The following SPTBN1 variants were observed in gnomAD, a reference collection of about 807,000 sequenced individuals.
SPTBN1 encodes the protein spectrin beta chain, non-erythrocytic 1.
A neutral mutation model predicts 266.4 loss-of-function variants in SPTBN1; 32 were observed. That is an observed-to-expected ratio of 0.12 (90% CI 0.09 to 0.16). The LOEUF is 0.16. Ranked by LOEUF, SPTBN1 falls within the 10% of genes least tolerant of loss-of-function variation. SPTBN1 has a pLI of 1.00. For missense variants in SPTBN1, 2,296 were observed against 3,067.1 expected, an observed-to-expected ratio of 0.75 and a Z score of 5.94; for synonymous variants, 1,336 against 1,162.2, an observed-to-expected ratio of 1.15 and a Z score of -3.04.
chr2:54,466,180 A>G (rs1320051327), intron 1 of SPTBN1, among the ~76,000 whole-genome samples: 3 of 152,192 alleles, frequency 2.0e-5, no homozygotes, highest in Non-Finnish European at 4.4e-5. Context: ...GATTTTTAAT[A>G]TACAAATTTG....
chr2:54,510,426 G>A (rs1445322430), intron 1 of SPTBN1, among the ~76,000 whole-genome samples: 1 of 152,088 alleles, frequency 6.6e-6, no homozygotes, highest in Non-Finnish European at 1.5e-5. Context: ...TAACACTCAG[G>A]CACCACTAAA....
rs939271694 is a variant in SPTBN1 at position 54,662,358 on chromosome 2, C to T, written c.6421-2095C>T. 8 of 977,824 alleles carry T rather than the reference C, an allele frequency of 8.2e-6. No homozygotes were observed. In the African/African-American group the frequency reaches 1.4e-4, roughly 17 times the overall value. 60.6% of individuals were successfully genotyped at this position (977,824 alleles called of 1,614,324 possible). A position where few individuals can be genotyped will look rare whatever the true frequency, so the allele number is the denominator to read the frequency against. ...ATTCATTTGCATAAACATTAATGAT[C>T]TCTGCATACTGGTTTGGGGTTTTCT... On this transcript the variant is annotated intron_variant, in intron 32 of 35. Transcript: ENST00000356805.
At position 54,664,390 on chromosome 2, in the gene SPTBN1, G is replaced by A; in HGVS notation, c.6421-63G>A. On this transcript the variant is annotated intron_variant, in intron 32 of 35. Coordinates refer to ENST00000356805, the MANE Select transcript of SPTBN1 (RefSeq NM_003128.3). This position sits in a 1 kb window ranked among gnomAD's most constrained non-coding sequence, Gnocchi z 5.6. ...CACAGCCACATGTGCGAGTCAGGTA[G>A]AGCGTATGTGGTCACCCCCATGGCT... 6.6e-7 allele frequency: 1 copy of A among 1,510,894 alleles called. No homozygotes were observed. The highest frequency in any genetic ancestry group is 9.1e-7 in the Non-Finnish European group (1 of 1,101,424). The allele number at this position is 1,510,894 out of a possible 1,614,324, so 93.6% of individuals were successfully genotyped here.
chr2:54,569,345 C>G (rs1302462251), intron 2 of SPTBN1, among the ~76,000 whole-genome samples: 6 of 152,136 alleles, frequency 3.9e-5, no homozygotes, highest in Non-Finnish European at 7.3e-5. Flanking sequence ...AAATTTCTAG[C>G]TGTTCCTTCC....
At chr2:54,584,828 C>G (rs149023259) in intron 2 of SPTBN1, among the ~76,000 whole-genome samples, 3 of 152,294 alleles carry the variant, frequency 2.0e-5, no homozygotes, top group Non-Finnish European at 4.4e-5. Flanking sequence ...CTTACTGTCT[C>G]CCTCCTTACA....
At chr2:54,602,409 A>G (rs1676557547) in intron 3 of SPTBN1, among the ~76,000 whole-genome samples, 1 of 152,188 alleles carries the variant, frequency 6.6e-6, no homozygotes, top group South Asian at 2.1e-4. Flanking sequence ...ATAGGCCTGC[A>G]CTTCAATGGT....
At chr2:54,625,641 A>G (rs1678272807) in intron 11 of SPTBN1, among the ~76,000 whole-genome samples, 1 of 152,094 alleles carries the variant, frequency 6.6e-6, no homozygotes, top group Non-Finnish European at 1.5e-5. Flanking sequence ...TTCAGGCTGG[A>G]GTGCAGTGGC....
At chr2:54,561,961 C>T (rs1673339104) in intron 2 of SPTBN1, among the ~76,000 whole-genome samples, 1 of 151,688 alleles carries the variant, frequency 6.6e-6, no homozygotes, top group African/African-American at 2.4e-5. Context: ...GCCCTTCAAC[C>T]TCTGATGGCT....
At chr2:54,483,192 C>T (rs544531346) in intron 1 of SPTBN1, among the ~76,000 whole-genome samples, 12 of 152,318 alleles carry the variant, frequency 7.9e-5, no homozygotes, top group African/African-American at 2.9e-4. Flanking sequence ...TAGTTTGCCT[C>T]TGCTGGCTCA....
At chr2:54,507,755 T>C (rs1272869482) in intron 1 of SPTBN1, among the ~76,000 whole-genome samples, 1 of 151,850 alleles carries the variant, frequency 6.6e-6, no homozygotes, top group Non-Finnish European at 1.5e-5. Context: ...CCAGGCCAGA[T>C]TGATTTAGGT....
rs932707285 is a variant in SPTBN1 at position 54,542,133 on chromosome 2, A to G, written c.148+15567A>G. 6.6e-5 allele frequency among the ~76,000 whole-genome samples: 10 copies of G among 152,396 alleles called. No individual in the cohort carries two copies. In the East Asian group the frequency reaches 7.7e-4, roughly 12 times the overall value. Reference sequence around the variant, plus strand: ...GAGTAAAATATTTGAGTACTTAACTATGTGCCAGGCACTGTGATCGGTGGT... The same window carrying G: ...GAGTAAAATATTTGAGTACTTAACTGTGTGCCAGGCACTGTGATCGGTGGT... On this transcript the variant is annotated intron_variant, in intron 2 of 35. Transcript: ENST00000356805.
At chr2:54,461,690 G>A (rs1436935629) in intron 1 of SPTBN1, among the ~76,000 whole-genome samples, 3 of 152,194 alleles carry the variant, frequency 2.0e-5, no homozygotes, top group Non-Finnish European at 4.4e-5. Context: ...TATTGAGTTT[G>A]AATGTCTGTT....
rs1673002770 is a variant in SPTBN1, at chr2:54,558,145, G to C, written c.148+31579G>C. On this transcript the variant is annotated intron_variant, in intron 2 of 35. Coordinates refer to ENST00000356805, the MANE Select transcript of SPTBN1 (RefSeq NM_003128.3). The surrounding 1 kb of genome is among the most constrained non-coding windows in gnomAD (Gnocchi z 4.6). ...AATTCCAGCAGCTCTGTTTGGGAAG[G>C]CACTACCGCGGCGAGTCCAGGGCCC... The C allele has an allele frequency of 6.1e-6, 6 of 985,266 alleles. No individual in the cohort carries two copies. The South Asian group carries it at 2.3e-4, about 39-fold the overall frequency. The allele number at this position is 985,266 out of a possible 1,614,324, so 61.0% of individuals were successfully genotyped here. A position where few individuals can be genotyped will look rare whatever the true frequency, so the allele number is the denominator to read the frequency against.
chr2:54,662,664 C>T (rs1403396646), intron 32 of SPTBN1: 1 of 152,226 alleles, frequency 6.6e-6, no homozygotes, highest in African/African-American at 2.4e-5. Context: ...ACTTCCTCCT[C>T]ACCAGAAGTT....
chr2:54,510,356 A>G (rs781244257), intron 1 of SPTBN1, among the ~76,000 whole-genome samples: 13 of 152,314 alleles, frequency 8.5e-5, no homozygotes, highest in Middle Eastern at 3.4e-3. Flanking sequence ...TCCGAATACA[A>G]TCACATTAGG....
At chr2:54,549,156 G>A (rs1672419990) in intron 2 of SPTBN1, among the ~76,000 whole-genome samples, 1 of 152,058 alleles carries the variant, frequency 6.6e-6, no homozygotes, top group African/African-American at 2.4e-5. Flanking sequence ...TGGTGTGGTG[G>A]TGCGCGCCTG....
At chr2:54,660,608 A>G in intron 32 of SPTBN1, 1 of 985,512 alleles carries the variant, frequency 1.0e-6, no homozygotes, top group Non-Finnish European at 1.2e-6. Flanking sequence ...AAGATGACAA[A>G]AAAGGGAGTC....
intron 19 of SPTBN1, 101 bp from the exon 20 acceptor site, chr2:54,644,222 T>G (rs1244827347): frequency 1.4e-6 from 2 of 1,435,924 alleles, no homozygotes; most frequent in Non-Finnish European, 1.9e-6. Context: ...ATTGAGTGAA[T>G]GGTTAAATCA....
rs541939702 is a variant in SPTBN1, at chr2:54,483,173, C to A, written c.-48+26655C>A. On this transcript the variant is annotated intron_variant, in intron 1 of 35. Transcript: ENST00000356805. ...TTTATCTCTTCTGCTGGAGAAAGAC[C>A]TGCCTCAATAGTTTGCCTCTGCTGG... Among the ~76,000 whole-genome samples the A allele has an allele frequency of 4.6e-5, 7 of 152,262 alleles. No individual in the cohort carries two copies. The South Asian group carries it at 1.5e-3, about 32-fold the overall frequency.
Sources: allele counts gnomAD v4.1 joint callset (sites outside exome capture counted in the v4.1 genomes callset), GRCh38; gene constraint gnomAD v4.1.1; non-coding constraint Gnocchi (gnomAD v3.1); transcripts MANE v1.5; gene names NCBI Gene and HGNC (gene_info 2026-07-23, HGNC 2026-07-21).